The following ABCA4 variants were observed in gnomAD, a reference collection of about 807,000 sequenced individuals.
ABCA4 encodes ATP binding cassette subfamily A member 4, also known as retinal-specific phospholipid-transporting ATPase ABCA4.
A neutral mutation model predicts 263.7 loss-of-function variants in ABCA4; 196 were observed. That is an observed-to-expected ratio of 0.74 (90% CI 0.66 to 0.84). The LOEUF (loss-of-function observed/expected upper bound fraction) is 0.84, where lower values mean the gene tolerates loss of function less well. ABCA4 is among the 40% of genes least tolerant of loss of function. The pLI is 0.00. For missense variants in ABCA4, 2,792 were observed against 2,855.1 expected, an observed-to-expected ratio of 0.98 and a Z score of 0.50; for synonymous variants, 1,133 against 1,094.2, an observed-to-expected ratio of 1.04 and a Z score of -0.70.
intron 1 of ABCA4, among the ~76,000 whole-genome samples, chr1:94,118,010 G>A (rs1016393665): frequency 2.6e-5 from 4 of 152,182 alleles, no homozygotes; most frequent in African/African-American, 9.7e-5. Flanking sequence ...TGATATCAGT[G>A]ACCAGACTAT....
rs141004967 is a variant in ABCA4 at position 94,031,856 on chromosome 1, C to T, written c.4050G>A (p.Leu1350=). The T allele has an allele frequency of 1.2e-6, 2 of 1,614,032 alleles. No individual in the cohort carries two copies. Among genetic ancestry groups the T allele is most frequent in the African/African-American group, 2.7e-5 (2 of 74,936 alleles). Reference sequence around the variant, plus strand: ...GCAGCGCCTGCACATGCTGGAGGACCAGCTGTGTCCCCGTGTTGAGCTGCG... The same window carrying T: ...GCAGCGCCTGCACATGCTGGAGGACTAGCTGTGTCCCCGTGTTGAGCTGCG... The part of the protein sequence containing the change: ...PGPQLNTGTQ[L]VLQHVQALLV... The change falls in exon 27 of 50, where the codon CTG becomes CTA. Residue 1350 remains leucine (L), a synonymous_variant. Coordinates refer to ENST00000370225, the MANE Select transcript of ABCA4 (RefSeq NM_000350.3).
intron 5 of ABCA4, among the ~76,000 whole-genome samples, chr1:94,101,944 C>G (rs1276777230): frequency 6.6e-6 from 1 of 152,184 alleles, no homozygotes; most frequent in African/African-American, 2.4e-5. Context: ...TAACAAGCTC[C>G]CAGGCATCGC....
At chr1:94,073,324 T>C (rs1036698746) in intron 11 of ABCA4, among the ~76,000 whole-genome samples, 5 of 152,178 alleles carry the variant, frequency 3.3e-5, no homozygotes, top group African/African-American at 1.2e-4. Context: ...GCTGGGCTTC[T>C]GCTCCCATCA....
In ABCA4 at chr1:94,060,660, C is replaced by T; in HGVS notation, c.2037G>A (p.Glu679=). ...MTVKSIVLEK[E]LRLKETLKNQ... Reference sequence around the variant, plus strand: ...TTTTCAAGGTCTCCTTCAGTCGCAACTCCTTCTCCAAGACGATGCTCTTCA... The same window carrying T: ...TTTTCAAGGTCTCCTTCAGTCGCAATTCCTTCTCCAAGACGATGCTCTTCA... The change falls in exon 14 of 50, where the codon GAG becomes GAA. Residue 679 remains glutamate (E), a synonymous_variant. Transcript: ENST00000370225. 1.2e-6 allele frequency: 2 copies of T among 1,614,186 alleles called. No individual in the cohort carries two copies. Among genetic ancestry groups the T allele is most frequent in the Non-Finnish European group, 1.7e-6 (2 of 1,180,036 alleles).
chr1:93,993,835 G>A (rs1658931952), intron 49 of ABCA4, among the ~76,000 whole-genome samples: 1 of 152,112 alleles, frequency 6.6e-6, no homozygotes, highest in Non-Finnish European at 1.5e-5. Context: ...ACTGTCTCCA[G>A]TTATAAAGTG....
chr1:94,049,992 A>G (rs1660789758), intron 17 of ABCA4, among the ~76,000 whole-genome samples: 1 of 152,206 alleles, frequency 6.6e-6, no homozygotes, highest in Admixed American at 6.5e-5. Context: ...CAGGCATCCA[A>G]GGGCTCTCGG....
chr1:94,029,646 G>T lies in ABCA4; in HGVS notation c.4353-15C>A. 6.2e-7 allele frequency: 1 copy of T among 1,609,814 alleles called. No individual in the cohort carries two copies. Among genetic ancestry groups the T allele is most frequent in the South Asian group, 1.1e-5 (1 of 90,160 alleles). On this transcript the variant is annotated splice_polypyrimidine_tract_variant and intron_variant, in intron 29 of 49. Coordinates refer to ENST00000370225, the MANE Select transcript of ABCA4 (RefSeq NM_000350.3). ...AGGGGTACTCCCTCATGGAAGACAA[G>T]AAAATATTCCATAATCAGCCTCAAA...
Position 94,005,548 on chromosome 1 carries a change from T to C in ABCA4, c.6040A>G (p.Met2014Val), listed in dbSNP as rs201883531. 4 of 1,614,084 alleles carry C rather than the reference T, an allele frequency of 2.5e-6. No individual in the cohort carries two copies. Among genetic ancestry groups the C allele is most frequent in the Non-Finnish European group, 3.4e-6 (4 of 1,179,940 alleles). ...LTNISEVHQNMGYCPQFDAID... is the reference protein window; with the variant it reads ...LTNISEVHQNVGYCPQFDAID... ...GCATCAAACTGAGGACAGTAGCCCATATTTTGATGGACTTCAGAAATATTG... is the reference window on the plus strand; with the variant it reads ...GCATCAAACTGAGGACAGTAGCCCACATTTTGATGGACTTCAGAAATATTG... The change falls in exon 44 of 50, where the codon ATG (methionine) becomes GTG (valine). Residue 2014 changes from methionine (M) to valine (V), a missense_variant. Physicochemically the swap from Met to Val is conservative, Grantham distance 21. Coordinates refer to ENST00000370225, the MANE Select transcript of ABCA4 (RefSeq NM_000350.3).
intron 26 of ABCA4, among the ~76,000 whole-genome samples, chr1:94,033,658 C>T (rs1481090188): frequency 6.6e-6 from 1 of 152,130 alleles, no homozygotes; most frequent in Admixed American, 6.5e-5. Context: ...CTCAAGTCCC[C>T]CAGGACAAGG....
intron 6 of ABCA4, among the ~76,000 whole-genome samples, chr1:94,089,271 A>C (rs1309610441): frequency 7.2e-5 from 11 of 152,208 alleles, no homozygotes; most frequent in Non-Finnish European, 1.3e-4. Context: ...AATCATTGTG[A>C]ATACTTAGAA....
At chr1:94,077,975 G>A in intron 10 of ABCA4, 88 bp from the exon 11 acceptor site, 1 of 1,354,092 alleles carries the variant, frequency 7.4e-7, no homozygotes, top group Non-Finnish European at 1.0e-6. Flanking sequence ...AATTTTTAGT[G>A]ATTGAGGATA....
intron 13 of ABCA4, 90 bp from the exon 14 acceptor site, chr1:94,060,849 A>T (rs1661103680): frequency 5.4e-6 from 6 of 1,121,194 alleles, no homozygotes; most frequent in Middle Eastern, 3.9e-4. Flanking sequence ...TGTTGAGAAC[A>T]AAGCCCAGAT....
At chr1:94,071,971 G>C (rs1661411588) in intron 11 of ABCA4, among the ~76,000 whole-genome samples, 1 of 152,118 alleles carries the variant, frequency 6.6e-6, no homozygotes. Flanking sequence ...GAAAGAAATA[G>C]GACAGATAAT....
At chr1:94,065,461 C>T (rs1661245407) in intron 11 of ABCA4, among the ~76,000 whole-genome samples, 1 of 152,166 alleles carries the variant, frequency 6.6e-6, no homozygotes, top group South Asian at 2.1e-4. Flanking sequence ...AAGAAGTAGG[C>T]AATCCCAATT....
chr1:94,016,616 G>A (rs902309726), intron 36 of ABCA4, among the ~76,000 whole-genome samples: 2 of 152,122 alleles, frequency 1.3e-5, no homozygotes, highest in African/African-American at 4.8e-5. Context: ...TGTTGGAGAA[G>A]GGAGTTACAG....
At position 94,079,460 on chromosome 1, in the gene ABCA4, T is replaced by G. The variant is rs1296959789; in HGVS notation, c.1101A>C (p.Thr367=). Reference sequence around the variant, plus strand: ...TCTGGATCAATGCATTACAAAAGGATGCTGCCAGGAGACAAGGGACAGATT... The same window carrying G: ...TCTGGATCAATGCATTACAAAAGGAGGCTGCCAGGAGACAAGGGACAGATT... ...DPIYSYDRRT[T]SFCNALIQSL... Residue 367 remains threonine (T), a splice_region_variant and synonymous_variant, in exon 9 of 50, where the codon ACA becomes ACC. Coordinates refer to ENST00000370225, the MANE Select transcript of ABCA4 (RefSeq NM_000350.3). 2.5e-6 allele frequency: 4 copies of G among 1,614,220 alleles called. No homozygotes were observed. In the African/African-American group the frequency reaches 5.3e-5, roughly 22 times the overall value.
intron 6 of ABCA4, among the ~76,000 whole-genome samples, chr1:94,098,110 T>C (rs919414546): frequency 5.3e-5 from 8 of 152,208 alleles, no homozygotes; most frequent in African/African-American, 1.7e-4. Context: ...CTACACCTCC[T>C]TTATCTAATT....
intron 30 of ABCA4, among the ~76,000 whole-genome samples, chr1:94,026,735 C>G: frequency 6.6e-6 from 1 of 152,306 alleles, no homozygotes; most frequent in Middle Eastern, 3.4e-3. Context: ...ACCTCAGGAC[C>G]CACCACATTC....
At chr1:94,116,495 T>A (rs1662766213) in intron 1 of ABCA4, among the ~76,000 whole-genome samples, 1 of 152,108 alleles carries the variant, frequency 6.6e-6, no homozygotes, top group Non-Finnish European at 1.5e-5. Context: ...TGGTTGGTAA[T>A]CTTTGAAAAA....
Sources: gnomAD v4.1 joint callset for allele counts (sites outside exome capture counted in the v4.1 genomes callset) on GRCh38, gnomAD v4.1.1 for gene constraint, MANE v1.5 for transcripts, NCBI Gene and HGNC (gene_info 2026-07-23, HGNC 2026-07-21) for gene names.